PPFIA1: variants seen among roughly 807,000 people sequenced by gnomAD.
The protein encoded by PPFIA1 is PPFI scaffold protein A1, also known as liprin-alpha-1.
Under a neutral mutation model 149.9 loss-of-function variants are expected in PPFIA1, and 25 were observed. The ratio of observed to expected loss-of-function variants is 0.17; its 90% CI spans 0.12 to 0.23. The LOEUF (loss-of-function observed/expected upper bound fraction) is 0.23, where lower values mean the gene tolerates loss of function less well. Ranked by LOEUF, PPFIA1 falls within the 10% of genes least tolerant of loss-of-function variation. The probability of loss-of-function intolerance (pLI) is 1.00; values close to 1 mark genes in which losing one functional copy is unlikely to be tolerated. For missense variants in PPFIA1, 1,362 were observed against 1,506.5 expected, an observed-to-expected ratio of 0.90 and a Z score of 1.59; for synonymous variants, 549 against 552.8, an observed-to-expected ratio of 0.99 and a Z score of 0.10.
At chr11:70,336,527 A>G (rs2054992419) in intron 11 of PPFIA1, among the ~76,000 whole-genome samples, 1 of 146,900 alleles carries the variant, frequency 6.8e-6, no homozygotes, top group Non-Finnish European at 1.5e-5. Context: ...AAAAAAGTTA[A>G]TTTCTGTCTC....
intron 2 of PPFIA1, among the ~76,000 whole-genome samples, chr11:70,323,397 A>G (rs953687168): frequency 2.0e-5 from 3 of 152,016 alleles, no homozygotes; most frequent in Non-Finnish European, 2.9e-5. Context: ...AGCCTGCCAC[A>G]CTCAAAGTTG....
At chr11:70,352,340 C>T (rs966436355) in intron 16 of PPFIA1, among the ~76,000 whole-genome samples, 1 of 152,204 alleles carries the variant, frequency 6.6e-6, no homozygotes, top group Non-Finnish European at 1.5e-5. Context: ...GGAGCTTACA[C>T]CAGCAGCAAC....
At chr11:70,334,907 TC>T (rs745314206) in intron 10 of PPFIA1, among the ~76,000 whole-genome samples, 1 of 152,210 alleles carries the variant, frequency 6.6e-6, no homozygotes, top group African/African-American at 2.4e-5. Context: ...TACTGACACT[TC>T]CTGTCCCTTT....
chr11:70,321,947 G>A (rs576415672), intron 2 of PPFIA1, among the ~76,000 whole-genome samples: 14 of 152,294 alleles, frequency 9.2e-5, no homozygotes, highest in African/African-American at 2.2e-4. Flanking sequence ...TCGGCCCACC[G>A]GAACCTCCAC....
chr11:70,303,960 C>T (rs1333533661), intron 2 of PPFIA1, among the ~76,000 whole-genome samples: 3 of 152,058 alleles, frequency 2.0e-5, no homozygotes, highest in Non-Finnish European at 4.4e-5. Flanking sequence ...GAGCTGAGAT[C>T]GCGCCACTGC....
chr11:70,340,282 T>TA (rs2055245767), intron 14 of PPFIA1, among the ~76,000 whole-genome samples: 3 of 151,978 alleles, frequency 2.0e-5, no homozygotes, highest in African/African-American at 7.2e-5. Flanking sequence ...TCTCTACAAA[T>TA]AAAGAAATTA....
At chr11:70,325,078 G>GTAC in intron 4 of PPFIA1, 67 bp downstream of exon 4, 1 of 1,423,134 alleles carries the variant, frequency 7.0e-7, no homozygotes, top group Non-Finnish European at 9.3e-7. Flanking sequence ...CACAAGTGTT[G>GTAC]GTGTAACTTT....
At chr11:70,365,982 C>A (rs1180457531) in intron 21 of PPFIA1, 1 of 456,524 alleles carries the variant, frequency 2.2e-6, no homozygotes, top group Non-Finnish European at 4.4e-6. Context: ...GAGTCTTTCT[C>A]TAATATATTC....
intron 2 of PPFIA1, among the ~76,000 whole-genome samples, chr11:70,296,224 A>G (rs906883742): frequency 5.1e-4 from 74 of 146,034 alleles, no homozygotes; most frequent in African/African-American, 1.8e-3. Flanking sequence ...AGGGGCTCCT[A>G]ACATCCCAGA....
At chr11:70,286,991 A>G (rs909555342) in intron 2 of PPFIA1, among the ~76,000 whole-genome samples, 1 of 151,526 alleles carries the variant, frequency 6.6e-6, no homozygotes, top group South Asian at 2.1e-4. Flanking sequence ...ACATACACAC[A>G]CACACACACA....
rs756603005 is a variant in PPFIA1, at chr11:70,337,371, C to A, written c.1435C>A (p.Leu479Ile). 1.9e-6 allele frequency: 3 copies of A among 1,590,970 alleles called. No homozygotes were observed. The highest frequency in any genetic ancestry group is 1.7e-5 in the Admixed American group (1 of 57,144). Reference sequence around the variant, plus strand: ...ACTATCTGTCTTTTTTCAGAACTCTCTTTTAAGAGAAGTTGAAAGTGCAAA... The same window carrying A: ...ACTATCTGTCTTTTTTCAGAACTCTATTTTAAGAGAAGTTGAAAGTGCAAA... ...RMAALEDKNS[L>I]LREVESAKKQ... The change falls in exon 12 of 28, where the codon CTT (leucine) becomes ATT (isoleucine). Residue 479 changes from leucine to isoleucine, a missense_variant. Transcript: ENST00000253925.
chr11:70,382,123 ACAG>A lies in PPFIA1; in HGVS notation c.3587_3589del (p.Thr1196_Val1197delinsIle). On this transcript the variant is annotated inframe_deletion, in exon 27 of 28. Transcript: ENST00000253925. Reference sequence around the variant, plus strand: ...AGGAACACAGAGGTTGGATTCTGCTACAGTCAGGACTTACTCCTGCTAAAGTCT... The same window carrying A: ...AGGAACACAGAGGTTGGATTCTGCTATCAGGACTTACTCCTGCTAAAGTCT... 6.2e-7 allele frequency: 1 copy of A among 1,614,062 alleles called. No homozygotes were observed. Among genetic ancestry groups the A allele is most frequent in the Non-Finnish European group, 8.5e-7 (1 of 1,179,958 alleles).
intron 23 of PPFIA1, among the ~76,000 whole-genome samples, chr11:70,373,249 G>T (rs948034289): frequency 7.2e-5 from 11 of 152,160 alleles, no homozygotes; most frequent in African/African-American, 2.4e-4. Context: ...TTGAGACAGG[G>T]TCTTGCTCTG....
chr11:70,355,712 G>A lies in PPFIA1; in HGVS notation c.2389G>A (p.Ala797Thr). 5 of 1,614,122 alleles carry A rather than the reference G, an allele frequency of 3.1e-6. No individual in the cohort carries two copies. The highest frequency in any genetic ancestry group is 4.2e-6 in the Non-Finnish European group (5 of 1,180,008). ...SNSSQDSLHK[A>T]PKKKGIKSSI... ...CAGTAGCCAGGACTCGCTCCACAAA[G>A]CCCCAAAGAAGAAAGGCATTAAGTC... Residue 797 changes from alanine to threonine, a missense_variant, in exon 18 of 28, where the codon GCC (alanine) becomes ACC (threonine). Physicochemically the swap from Ala to Thr is moderately conservative, Grantham distance 58. Transcript: ENST00000253925.
Position 70,326,576 on chromosome 11 carries a change from A to AT in PPFIA1, c.709-12dup, listed in dbSNP as rs3833993. 1.7e-3 allele frequency: 2,696 copies of AT among 1,558,116 alleles called. 15 individuals are homozygous for AT. The East Asian group carries it at 0.023, about 13-fold the overall frequency. On this transcript the variant is annotated intron_variant, in intron 6 of 27. Transcript: ENST00000253925. ...GCTCACCAAACAAGGGTATTTAAGG[A>AT]TTTTTTTTTCCCCCTATCAGAGATC...
In PPFIA1 at chr11:70,330,198, A is replaced by C; in HGVS notation, c.956A>C (p.Glu319Ala). ...GCCATGGCCCAAAAGGAAGATATGGAAGAGAGAATCACTACTCTTGAAAAA... is the reference window on the plus strand; with the variant it reads ...GCCATGGCCCAAAAGGAAGATATGGCAGAGAGAATCACTACTCTTGAAAAA... Reference protein sequence around the residue: ...REAMAQKEDMEERITTLEKRY... With the variant: ...REAMAQKEDMAERITTLEKRY... The change falls in exon 8 of 28, where the codon GAA (glutamate) becomes GCA (alanine). Residue 319 changes from glutamate to alanine, a missense_variant. By Grantham distance (107) the Glu-to-Ala change is moderately radical. Coordinates refer to ENST00000253925, the MANE Select transcript of PPFIA1 (RefSeq NM_003626.5). The C allele has an allele frequency of 6.2e-7, 1 of 1,601,140 alleles. No homozygotes were observed. Among genetic ancestry groups the C allele is most frequent in the Non-Finnish European group, 8.5e-7 (1 of 1,175,380 alleles).
At position 70,362,162 on chromosome 11, in the gene PPFIA1, G is replaced by A. The variant is rs757268427; in HGVS notation, c.2650G>A (p.Val884Met). ...TGCCCAATGGGACGGGCCAACGGTT[G>A]TGGTCTGGCTAGAGGTACATCCTTC... ...PFAQWDGPTV[V>M]VWLELWVGMP... is the part of the protein sequence containing the mutation. The change falls in exon 20 of 28, where the codon GTG becomes ATG. Residue 884 changes from valine (V) to methionine (M), a missense_variant. Physicochemically the swap from Val to Met is conservative, Grantham distance 21 (BLOSUM62 1). Around this residue, in one of 7 missense-constraint regions of PPFIA1, gnomAD observed 91 missense variants for 91.2 expected, o/e 1.00. Coordinates refer to ENST00000253925, the MANE Select transcript of PPFIA1 (RefSeq NM_003626.5). The A allele has an allele frequency of 6.2e-7, 1 of 1,614,272 alleles. No homozygotes were observed. Among genetic ancestry groups the A allele is most frequent in the Non-Finnish European group, 8.5e-7 (1 of 1,180,044 alleles).
chr11:70,282,133 T>G (rs575604722), intron 2 of PPFIA1, among the ~76,000 whole-genome samples: 17 of 152,084 alleles, frequency 1.1e-4, no homozygotes, highest in Non-Finnish European at 2.1e-4. Flanking sequence ...TTAAAGACAG[T>G]AGAGCAAGTG....
At chr11:70,276,757 C>T (rs901838825) in intron 2 of PPFIA1, among the ~76,000 whole-genome samples, 6 of 151,930 alleles carry the variant, frequency 3.9e-5, no homozygotes, top group East Asian at 1.9e-4. Context: ...CATTTTTCCC[C>T]GCTAGAGATT....
Sources: gnomAD v4.1 joint callset for allele counts (sites outside exome capture counted in the v4.1 genomes callset) on GRCh38, gnomAD v4.1.1 for gene constraint, gnomAD v4.1.1 regional missense constraint, MANE v1.5 for transcripts, NCBI Gene and HGNC (gene_info 2026-07-23, HGNC 2026-07-21) for gene names.